The following MUC12 variants were observed in gnomAD, a reference collection of about 807,000 sequenced individuals.
The protein encoded by MUC12 is mucin-12.
In MUC12, 172 loss-of-function variants were observed where a neutral mutation model predicts 230.8. The ratio of observed to expected loss-of-function variants is 0.75; its 90% CI spans 0.66 to 0.85. The LOEUF is 0.85. MUC12 is among the 40% of genes least tolerant of loss of function. MUC12 has a pLI of 0.00. For missense variants in MUC12, 3,506 were observed against 5,920.6 expected (o/e 0.59, Z 13.38); for synonymous variants, 1,259 against 2,401.9 (o/e 0.52, Z 13.91).
At chr7:100,973,251 T>G (rs1250086345) in intron 1 of MUC12, among the ~76,000 whole-genome samples, 1 of 71,238 alleles carries the variant, frequency 1.4e-5, no homozygotes, top group African/African-American at 5.3e-5. Context: ...GGGCTCCACT[T>G]GATGGTTGGC....
At chr7:101,014,383 A>G in intron 9 of MUC12, 1 of 244,554 alleles carries the variant, frequency 4.1e-6, no homozygotes, top group Non-Finnish European at 7.8e-6. Context: ...TCCAAGATCA[A>G]GGGGCTGCAT....
chr7:101,015,824 A>C lies in MUC12; in HGVS notation c.15877+133A>C, dbSNP rs1429085561. The stretch of plus-strand genomic sequence containing the variant: ...GGCTGTGACTGACAGCCCGTTCCCT[A>C]CCTGCCGCTGCAGCCCCGGACCCAG... On this transcript the variant is annotated intron_variant, in intron 10 of 11. Coordinates refer to ENST00000536621, the MANE Select transcript of MUC12 (RefSeq NM_001164462.2). 2.0e-4 allele frequency: 141 copies of C among 722,182 alleles called. 3 individuals carry two copies. 44.7% of individuals were successfully genotyped at this position (722,182 alleles called of 1,614,324 possible). A position where few individuals can be genotyped will look rare whatever the true frequency, so the allele number is the denominator to read the frequency against.
In MUC12 at chr7:100,991,163, C is replaced by T. The variant is rs372961064; in HGVS notation, c.600C>T (p.Pro200=). ...AATCTACAGCTTCCCACAGCATCCC[C>T]GGCTCCACAGACACAACACTGTCCC... ...SQESTASHSI[P]GSTDTTLSPG... The change falls in exon 2 of 12, where the codon CCC becomes CCT. Residue 200 remains proline (P), a synonymous_variant. Transcript: ENST00000536621. 95 of 1,537,434 alleles carry T rather than the reference C, an allele frequency of 6.2e-5. No individual in the cohort carries two copies. The highest frequency in any genetic ancestry group is 2.7e-4 in the South Asian group (23 of 84,042).
intron 5 of MUC12, among the ~76,000 whole-genome samples, chr7:101,010,138 G>A (rs1429901544): frequency 2.0e-5 from 3 of 151,970 alleles, no homozygotes; most frequent in African/African-American, 7.3e-5. Flanking sequence ...GAGGAGGGAG[G>A]GAAGAATGAG....
chr7:100,989,787 T>G (rs1793249824), intron 1 of MUC12, among the ~76,000 whole-genome samples: 1 of 151,832 alleles, frequency 6.6e-6, no homozygotes, highest in Admixed American at 6.6e-5. Flanking sequence ...ACCTCCTGGG[T>G]TCAAGCGATT....
At chr7:101,008,398 A>G (rs1375941327) in intron 3 of MUC12, among the ~76,000 whole-genome samples, 1 of 152,038 alleles carries the variant, frequency 6.6e-6, no homozygotes, top group Non-Finnish European at 1.5e-5. Flanking sequence ...CACCCGGCCC[A>G]GGGCTCTTTC....
At chr7:100,972,977 C>T (rs73168346) in intron 1 of MUC12, 4,756 of 623,080 alleles carry the variant, frequency 7.6e-3, no homozygotes, top group Middle Eastern at 0.037. Context: ...TGCAGGAATG[C>T]CCTGAAAGAT....
intron 5 of MUC12, among the ~76,000 whole-genome samples, 191 bp from the exon 6 acceptor site, chr7:101,012,105 T>A (rs544521279): frequency 1.3e-5 from 2 of 152,320 alleles, no homozygotes; most frequent in African/African-American, 4.8e-5. Flanking sequence ...ATCACTGATA[T>A]GTGAGATCTT....
In MUC12 at chr7:100,991,489, C is replaced by T. The variant is rs946250234; in HGVS notation, c.926C>T (p.Pro309Leu). The change falls in exon 2 of 12, where the codon CCG becomes CTG. Residue 309 changes from proline to leucine, a missense_variant. Coordinates refer to ENST00000536621, the MANE Select transcript of MUC12 (RefSeq NM_001164462.2). ...CTATCTACAACTTATCACAGCAGCC[C>T]GAGCTCAACTCCAACAACCCACTTT... ...VKLSTTYHSSPSSTPTTHFSA... is the reference protein window; with the variant it reads ...VKLSTTYHSSLSSTPTTHFSA... The T allele has an allele frequency of 7.8e-6, 12 of 1,537,302 alleles. No individual in the cohort carries two copies. Among genetic ancestry groups the T allele is most frequent in the African/African-American group, 2.7e-5 (2 of 72,992 alleles).
In MUC12 at chr7:101,005,093, C is replaced by A; in HGVS notation, c.14530C>A (p.Pro4844Thr). 3 of 1,537,874 alleles carry A rather than the reference C, an allele frequency of 2.0e-6. No individual in the cohort carries two copies. Among genetic ancestry groups the A allele is most frequent in the Non-Finnish European group, 2.6e-6 (3 of 1,147,064 alleles). Reference protein sequence around the residue: ...STVSPASTTVPGLSEESTTFY... With the variant: ...STVSPASTTVTGLSEESTTFY... The stretch of plus-strand genomic sequence containing the variant: ...AGTGTCACCTGCCAGCACCACAGTG[C>A]CAGGCCTTAGTGAGGAATCTACCAC... The change falls in exon 2 of 12, where the codon CCA becomes ACA. Residue 4844 changes from proline to threonine, a missense_variant. Transcript: ENST00000536621.
Position 101,009,150 on chromosome 7 carries a change from G to C in MUC12, c.15242G>C (p.Arg5081Pro), listed in dbSNP as rs377748854. The C allele has an allele frequency of 6.5e-7, 1 of 1,537,822 alleles. No homozygotes were observed. The highest frequency in any genetic ancestry group is 8.7e-7 in the Non-Finnish European group (1 of 1,146,996). Residue 5081 changes from arginine (R) to proline (P), a missense_variant, in exon 5 of 12, where the codon CGG becomes CCG. By Grantham distance (103) the Arg-to-Pro change is moderately radical. Coordinates refer to ENST00000536621, the MANE Select transcript of MUC12 (RefSeq NM_001164462.2). ...CCTCAGTATAGAGGGGTGAACATTC[G>C]GAGATTGCTGTGAGTATATTGGGGG... ...NLPQYRGVNI[R>P]RLLNGSIVVK...
At position 100,991,780 on chromosome 7, in the gene MUC12, C is replaced by T. The variant is rs1562782342; in HGVS notation, c.1217C>T (p.Ala406Val). The T allele has an allele frequency of 2.6e-6, 4 of 1,537,940 alleles. No individual in the cohort carries two copies. The highest frequency in any genetic ancestry group is 3.5e-6 in the Non-Finnish European group (4 of 1,147,056). The change falls in exon 2 of 12, where the codon GCC becomes GTC. Residue 406 changes from alanine to valine, a missense_variant. Physicochemically the swap from Ala to Val is moderately conservative, Grantham distance 64 (BLOSUM62 0). Coordinates refer to ENST00000536621, the MANE Select transcript of MUC12 (RefSeq NM_001164462.2). Reference protein sequence around the residue: ...TKSSTPSTTAALAHTSYHSSL... With the variant: ...TKSSTPSTTAVLAHTSYHSSL... ...TCTTCAACTCCTAGCACCACAGCTGCCCTAGCACATACAAGCTACCACAGC... is the reference window on the plus strand; with the variant it reads ...TCTTCAACTCCTAGCACCACAGCTGTCCTAGCACATACAAGCTACCACAGC...
intron 1 of MUC12, among the ~76,000 whole-genome samples, chr7:100,970,640 G>A (rs898806465): frequency 2.0e-5 from 3 of 152,120 alleles, no homozygotes; most frequent in East Asian, 1.9e-4. Flanking sequence ...TTGGGATGCC[G>A]AGGCAGGCAG....
chr7:101,011,286 C>A (rs1385866630), intron 5 of MUC12, among the ~76,000 whole-genome samples: 1 of 152,024 alleles, frequency 6.6e-6, no homozygotes, highest in African/African-American at 2.4e-5. Flanking sequence ...TTTTTTTGTC[C>A]AAGTCCTCCT....
In MUC12 at chr7:101,004,914, G is replaced by A; in HGVS notation, c.14351G>A (p.Ser4784Asn). The change falls in exon 2 of 12, where the codon AGC becomes AAC. Residue 4784 changes from serine to asparagine, a missense_variant. Ser to Asn is a conservative substitution (Grantham distance 46, BLOSUM62 1). Transcript: ENST00000536621. The part of the protein sequence containing the change: ...ESTHTTAFPA[S>N]TTTSGLSQES... ...ACACACACAACAGCGTTCCCTGCCAGCACCACCACCTCAGGCCTCAGTCAG... is the reference window on the plus strand; with the variant it reads ...ACACACACAACAGCGTTCCCTGCCAACACCACCACCTCAGGCCTCAGTCAG... The A allele has an allele frequency of 1.3e-6, 2 of 1,537,796 alleles. No homozygotes were observed. The highest frequency in any genetic ancestry group is 3.3e-4 in the Middle Eastern group (2 of 5,994).
intron 1 of MUC12, among the ~76,000 whole-genome samples, chr7:100,971,214 A>T (rs115506943): frequency 3.5e-4 from 1 of 2,846 alleles, no homozygotes; most frequent in Non-Finnish European, 6.0e-4. Context: ...GAGGGGCTGT[A>T]GGAGGAGACA....
At position 100,990,872 on chromosome 7, in the gene MUC12, A is replaced by G; in HGVS notation, c.309A>G (p.Ser103=). Residue 103 remains serine, a synonymous_variant, in exon 2 of 12, where the codon TCA becomes TCG. Transcript: ENST00000536621. ...TCTTCCCTTCCCACTCTGCAACCTC[A>G]GTTTTTGTTGGAGAACCTAAAACCT... ...TTLFPSHSAT[S]VFVGEPKTSP... 6.5e-7 allele frequency: 1 copy of G among 1,537,892 alleles called. No individual in the cohort carries two copies.
At position 100,990,639 on chromosome 7, in the gene MUC12, G is replaced by A; in HGVS notation, c.76G>A (p.Val26Ile). ...TTTCTCTCAAATCACAGGCTCAACA[G>A]TAAACACCAGTATTGGAGGTAATAC... is the stretch of plus-strand genomic sequence containing the variant. ...SVTTVTPGST[V>I]NTSIGGNTTS... The change falls in exon 2 of 12, where the codon GTA becomes ATA. Residue 26 changes from valine (V) to isoleucine (I), a missense_variant. Val to Ile is a conservative substitution (Grantham distance 29). Coordinates refer to ENST00000536621, the MANE Select transcript of MUC12 (RefSeq NM_001164462.2). 2 of 1,537,438 alleles carry A rather than the reference G, an allele frequency of 1.3e-6. No individual in the cohort carries two copies. The highest frequency in any genetic ancestry group is 1.7e-6 in the Non-Finnish European group (2 of 1,146,962).
At chr7:101,008,964 G>A (rs147754131) in intron 4 of MUC12, 131 bp from the exon 5 acceptor site, 1 of 1,268,572 alleles carries the variant, frequency 7.9e-7, no homozygotes, top group African/African-American at 1.5e-5. Context: ...GGAGCTTCCT[G>A]GGTTGGTGGT....
Sources: gnomAD v4.1 joint callset for allele counts (sites outside exome capture counted in the v4.1 genomes callset) on GRCh38, gnomAD v4.1.1 for gene constraint, MANE v1.5 for transcripts, NCBI Gene and HGNC (gene_info 2026-07-23, HGNC 2026-07-21) for gene names.